The following RANBP2 variants were observed in gnomAD, a reference collection of about 807,000 sequenced individuals.
RANBP2 encodes the protein RAN binding protein 2, also known as E3 SUMO-protein ligase RanBP2.
A neutral mutation model predicts 303.6 loss-of-function variants in RANBP2; 57 were observed. The ratio of observed to expected loss-of-function variants is 0.19; its 90% CI spans 0.15 to 0.23. The LOEUF (loss-of-function observed/expected upper bound fraction) is 0.23. RANBP2 is among the 10% of genes least tolerant of loss of function. The pLI, the probability that RANBP2 is intolerant of heterozygous loss-of-function variation, is 1.00. For synonymous variants in RANBP2, 1,167 were observed against 1,301.5 expected (o/e 0.90, Z 2.23); for missense variants, 3,138 against 3,780.8 (o/e 0.83, Z 4.46).
chr2:108,808,688 C>T, the RANBP2 span, among the ~76,000 whole-genome samples: 2 of 152,100 alleles, frequency 1.3e-5, no homozygotes, highest in African/African-American at 4.8e-5. Flanking sequence ...AGATTATTTA[C>T]CCATTTTTTA....
chr2:108,821,298 C>T, the RANBP2 span, among the ~76,000 whole-genome samples: 1 of 152,204 alleles, frequency 6.6e-6, no homozygotes, highest in Non-Finnish European at 1.5e-5. Flanking sequence ...GCAGAGGTTG[C>T]AGTGAGCTGA....
At chr2:109,432,380 A>G in the RANBP2 span, 4 of 1,270,956 alleles carry the variant, frequency 3.1e-6, no homozygotes, top group East Asian at 2.5e-5. Context: ...GAGCCCCCAT[A>G]GACTCTAGTG....
At chr2:109,456,386 C>T in the RANBP2 span, among the ~76,000 whole-genome samples, 4 of 152,218 alleles carry the variant, frequency 2.6e-5, no homozygotes, top group Admixed American at 6.5e-5. Flanking sequence ...TGAATCCCAG[C>T]TGCCAAAAAA....
chr2:109,168,552 C>G, the RANBP2 span, among the ~76,000 whole-genome samples: 2 of 152,228 alleles, frequency 1.3e-5, no homozygotes, highest in African/African-American at 4.8e-5. Context: ...TGACCTTAGT[C>G]TCTTCCTACT....
At chr2:109,264,065 G>T in the RANBP2 span, among the ~76,000 whole-genome samples, 1 of 152,242 alleles carries the variant, frequency 6.6e-6, no homozygotes, top group South Asian at 2.1e-4. Context: ...GGCTGTTCCA[G>T]CTCCTCCCTG....
the RANBP2 span, among the ~76,000 whole-genome samples, chr2:109,407,406 A>G: frequency 6.6e-6 from 1 of 152,350 alleles, no homozygotes; most frequent in African/African-American, 2.4e-5. Context: ...TTTAAAATGC[A>G]TCACCACCTG....
At chr2:109,229,312 T>G in the RANBP2 span, among the ~76,000 whole-genome samples, 2 of 152,224 alleles carry the variant, frequency 1.3e-5, no homozygotes, top group African/African-American at 2.4e-5. Context: ...CTTCCTCTGT[T>G]GTTAACACCT....
chr2:109,625,043 T>C, the RANBP2 span, among the ~76,000 whole-genome samples: 4 of 136,354 alleles, frequency 2.9e-5, no homozygotes, highest in Admixed American at 2.5e-4. Context: ...ATGGCACCAC[T>C]GCACTCCAGC....
At chr2:108,747,705 C>G (rs1459062506) in intron 8 of RANBP2, among the ~76,000 whole-genome samples, 2 of 152,146 alleles carry the variant, frequency 1.3e-5, no homozygotes, top group Admixed American at 6.5e-5. Flanking sequence ...GAGGGTGCCT[C>G]TGTAAGTGTG....
At chr2:109,615,021 C>G in the RANBP2 span, 9 of 1,546,512 alleles carry the variant, frequency 5.8e-6, no homozygotes, top group South Asian at 6.0e-5. Context: ...GGACCTGGAG[C>G]TCCCGCCACA....
chr2:108,885,843 A>G, the RANBP2 span, among the ~76,000 whole-genome samples: 17 of 152,220 alleles, frequency 1.1e-4, no homozygotes, highest in Non-Finnish European at 2.2e-4. Context: ...GCTTCCACAT[A>G]TAAGTGGAAA....
At chr2:109,177,315 T>C in the RANBP2 span, among the ~76,000 whole-genome samples, 1 of 152,156 alleles carries the variant, frequency 6.6e-6, no homozygotes, top group African/African-American at 2.4e-5. Flanking sequence ...TGATTTTCTT[T>C]TATATCTACT....
chr2:109,215,491 G>A, the RANBP2 span, among the ~76,000 whole-genome samples: 2 of 152,012 alleles, frequency 1.3e-5, no homozygotes, highest in Non-Finnish European at 2.9e-5. Flanking sequence ...AGGTAGCCGG[G>A]CCCTGATTTC....
the RANBP2 span, among the ~76,000 whole-genome samples, chr2:109,628,073 G>C: frequency 2.0e-5 from 3 of 152,170 alleles, no homozygotes. Context: ...GGTAACAGTG[G>C]TGGCTGCTCC....
At chr2:109,726,060 T>G in the RANBP2 span, among the ~76,000 whole-genome samples, 1,355 of 85,798 alleles carry the variant, frequency 0.016, 12 homozygotes, top group Non-Finnish European at 0.02. Context: ...TTGCTTTTGG[T>G]GTGTGTGTGT....
At chr2:108,887,011 C>T in the RANBP2 span, among the ~76,000 whole-genome samples, 1 of 152,014 alleles carries the variant, frequency 6.6e-6, no homozygotes, top group Non-Finnish European at 1.5e-5. Flanking sequence ...TTTATAGTTT[C>T]ATGTCCTATG....
the RANBP2 span, among the ~76,000 whole-genome samples, chr2:109,074,079 A>T: frequency 2.6e-5 from 4 of 150,974 alleles, no homozygotes; most frequent in South Asian, 4.2e-4. Flanking sequence ...AAACAGTTTT[A>T]AAAAAATGGC....
At chr2:108,930,442 C>A in the RANBP2 span, among the ~76,000 whole-genome samples, 1 of 152,154 alleles carries the variant, frequency 6.6e-6, no homozygotes, top group South Asian at 2.1e-4. Flanking sequence ...CTGGGCACGG[C>A]CAGCCCCCAC....
the RANBP2 span, among the ~76,000 whole-genome samples, chr2:109,320,198 T>A: frequency 0.01 from 1,561 of 152,292 alleles, 32 homozygotes; most frequent in African/African-American, 0.035. Context: ...GGCTTGCCTC[T>A]GCTCGGCTCA....
Sources: allele counts gnomAD v4.1 joint callset (sites outside exome capture counted in the v4.1 genomes callset), GRCh38; gene constraint gnomAD v4.1.1; transcripts MANE v1.5; gene names NCBI Gene and HGNC (gene_info 2026-07-23, HGNC 2026-07-21).